Variants in CNTNAP2 observed in about 807,000 individuals in gnomAD.
CNTNAP2 encodes the protein contactin associated protein 2.
In CNTNAP2, 98 loss-of-function variants were observed where a neutral mutation model predicts 155.2. The ratio of observed to expected loss-of-function variants is 0.63; its 90% CI spans 0.54 to 0.75. The LOEUF is 0.75. Ranked by LOEUF, CNTNAP2 falls within the 30% of genes least tolerant of loss-of-function variation. CNTNAP2 has a pLI of 0.00. For missense variants in CNTNAP2, 1,727 were observed against 1,688.1 expected, an observed-to-expected ratio of 1.02 and a Z score of -0.40; for synonymous variants, 651 against 631.2, an observed-to-expected ratio of 1.03 and a Z score of -0.47.
At chr7:146,663,737 T>G (rs1356894497) in intron 1 of CNTNAP2, among the ~76,000 whole-genome samples, 1 of 152,210 alleles carries the variant, frequency 6.6e-6, no homozygotes, top group Non-Finnish European at 1.5e-5. Context: ...CTCACTAGTT[T>G]TAGCAGCTTT....
rs1465942670 is a variant in CNTNAP2, at chr7:148,415,669, G to A, written c.*53G>A. The A allele has an allele frequency of 1.2e-5, 20 of 1,606,674 alleles. No individual in the cohort carries two copies. In the East Asian group the frequency reaches 1.6e-4, roughly 13 times the overall value. ...GAGGAGGGAATTACTAGGGAGGAGA[G>A]AAAGGGACAAAAGCACCCTGCTTCA... is the stretch of plus-strand genomic sequence containing the variant. On this transcript the variant is annotated 3_prime_UTR_variant, in exon 24 of 24. Transcript: ENST00000361727.
At chr7:147,202,467 A>C (rs1802941101) in intron 8 of CNTNAP2, among the ~76,000 whole-genome samples, 3 of 152,336 alleles carry the variant, frequency 2.0e-5, no homozygotes, top group South Asian at 4.1e-4. Flanking sequence ...AAATAAAAAA[A>C]CATTTATAGA....
At chr7:148,363,232 C>T (rs1798659065) in intron 21 of CNTNAP2, among the ~76,000 whole-genome samples, 1 of 152,230 alleles carries the variant, frequency 6.6e-6, no homozygotes, top group Non-Finnish European at 1.5e-5. Context: ...ATCCGCCTGC[C>T]TCGGCCTCCC....
At chr7:147,109,122 C>T (rs538631028) in intron 5 of CNTNAP2, among the ~76,000 whole-genome samples, 21 of 152,178 alleles carry the variant, frequency 1.4e-4, no homozygotes, top group Non-Finnish European at 2.6e-4. Context: ...TTTTATCAAG[C>T]GCATTGAGAC....
At chr7:146,617,893 TGTC>T (rs1176516290) in intron 1 of CNTNAP2, among the ~76,000 whole-genome samples, 5 of 152,176 alleles carry the variant, frequency 3.3e-5, no homozygotes, top group African/African-American at 9.7e-5. Context: ...AAATGGATGT[TGTC>T]TTTTGTGAGT....
At chr7:146,284,741 A>G (rs776559135) in intron 1 of CNTNAP2, among the ~76,000 whole-genome samples, 2 of 152,252 alleles carry the variant, frequency 1.3e-5, no homozygotes, top group Non-Finnish European at 2.9e-5. Context: ...TGATCAAAGC[A>G]TGCAGTGAAG....
At chr7:147,291,216 A>G (rs1805302056) in intron 8 of CNTNAP2, among the ~76,000 whole-genome samples, 1 of 151,856 alleles carries the variant, frequency 6.6e-6, no homozygotes, top group Non-Finnish European at 1.5e-5. Context: ...GGTTTGTTAT[A>G]TAGCTATACA....
chr7:146,383,983 A>G (rs549078135), intron 1 of CNTNAP2, among the ~76,000 whole-genome samples: 1 of 152,256 alleles, frequency 6.6e-6, no homozygotes, highest in African/African-American at 2.4e-5. Flanking sequence ...CCTGTTTGTT[A>G]GCTGTAATGT....
chr7:146,996,233 A>AT lies in CNTNAP2; in HGVS notation c.403-47665dup, dbSNP rs201546631. Among the ~76,000 whole-genome samples, 929 of 151,490 alleles carry AT rather than the reference A, an allele frequency of 6.1e-3. 6 individuals are homozygous for AT. Among genetic ancestry groups the AT allele is most frequent in the African/African-American group, 0.021 (879 of 41,346 alleles). ...TTGGCTGTGAAAAAGTAAATTTATG[A>AT]TTTTTTTTTATTTCTGTGAAGAATG... On this transcript the variant is annotated intron_variant, in intron 3 of 23. Coordinates refer to ENST00000361727, the MANE Select transcript of CNTNAP2 (RefSeq NM_014141.6).
chr7:146,983,704 T>C (rs558522518), intron 3 of CNTNAP2, among the ~76,000 whole-genome samples: 14 of 152,340 alleles, frequency 9.2e-5, no homozygotes, highest in African/African-American at 3.1e-4. Flanking sequence ...CATTCTCCTG[T>C]CTGTTACGGT....
intron 3 of CNTNAP2, among the ~76,000 whole-genome samples, chr7:146,964,404 T>G (rs1481224097): frequency 1.3e-5 from 2 of 152,194 alleles, no homozygotes; most frequent in East Asian, 3.9e-4. Flanking sequence ...CCCAGATGTC[T>G]TAATAGAAGA....
rs554897988 is a variant in CNTNAP2, at chr7:148,224,152, C to A, written c.3248-5494C>A. Among the ~76,000 whole-genome samples the A allele has an allele frequency of 6.5e-4, 99 of 152,124 alleles. 2 individuals carry two copies. In the South Asian group the frequency reaches 0.02, roughly 30 times the overall value. ...GAAATGAATAAGAGATGAATCAAGG[C>A]AGCTGTATATTTAAGAAAACTGGCT... On this transcript the variant is annotated intron_variant, in intron 19 of 23. Coordinates refer to ENST00000361727, the MANE Select transcript of CNTNAP2 (RefSeq NM_014141.6).
At chr7:146,652,507 T>A (rs952261909) in intron 1 of CNTNAP2, among the ~76,000 whole-genome samples, 5 of 152,162 alleles carry the variant, frequency 3.3e-5, no homozygotes, top group African/African-American at 1.2e-4. Flanking sequence ...TTCAAGACAT[T>A]TGACTTCACT....
intron 3 of CNTNAP2, among the ~76,000 whole-genome samples, chr7:147,029,608 T>C (rs985619412): frequency 2.6e-5 from 4 of 151,960 alleles, no homozygotes; most frequent in African/African-American, 9.7e-5. Flanking sequence ...AAATGGCTTC[T>C]GTAGACCCAA....
intron 3 of CNTNAP2, among the ~76,000 whole-genome samples, chr7:147,020,679 T>C (rs1303867715): frequency 6.6e-6 from 1 of 152,318 alleles, no homozygotes; most frequent in Non-Finnish European, 1.5e-5. Flanking sequence ...ACTCCTATAA[T>C]GACCCAGGAA....
At chr7:147,968,332 T>A (rs1392066012) in intron 14 of CNTNAP2, among the ~76,000 whole-genome samples, 1 of 152,238 alleles carries the variant, frequency 6.6e-6, no homozygotes, top group Non-Finnish European at 1.5e-5. Flanking sequence ...AGTAATTGAA[T>A]CTGTAATTAC....
At chr7:147,411,981 T>C (rs138673795) in intron 10 of CNTNAP2, among the ~76,000 whole-genome samples, 1 of 152,302 alleles carries the variant, frequency 6.6e-6, no homozygotes, top group African/African-American at 2.4e-5. Context: ...ATATTTTATA[T>C]TTTTCCTCCA....
intron 3 of CNTNAP2, among the ~76,000 whole-genome samples, chr7:146,972,101 A>G (rs1401653549): frequency 6.6e-6 from 1 of 152,182 alleles, no homozygotes; most frequent in Non-Finnish European, 1.5e-5. Flanking sequence ...ACCAGCTACA[A>G]TTAATGGTCA....
chr7:147,096,571 G>A (rs1279837100), intron 4 of CNTNAP2, among the ~76,000 whole-genome samples: 4 of 152,116 alleles, frequency 2.6e-5, no homozygotes, highest in Admixed American at 6.5e-5. Context: ...TCAATAGAAC[G>A]ACATGATATT....
Sources: allele counts gnomAD v4.1 joint callset (sites outside exome capture counted in the v4.1 genomes callset), GRCh38; gene constraint gnomAD v4.1.1; transcripts MANE v1.5; gene names NCBI Gene and HGNC (gene_info 2026-07-23, HGNC 2026-07-21).